Variants in CLN3 observed in about 807,000 individuals in gnomAD.
CLN3 encodes the protein battenin.
A neutral mutation model predicts 60.7 loss-of-function variants in CLN3; 49 were observed. The observed-to-expected ratio is 0.81, with a 90% CI of 0.64 to 1.02. The LOEUF is 1.02. CLN3 is among the 50% of genes least tolerant of loss of function. The probability of loss-of-function intolerance (pLI) is 0.00; values close to 1 mark genes in which losing one functional copy is unlikely to be tolerated. For missense variants in CLN3, 516 were observed against 557.4 expected, an observed-to-expected ratio of 0.93 and a Z score of 0.75; for synonymous variants, 256 against 245.8, an observed-to-expected ratio of 1.04 and a Z score of -0.39.
chr16:28,491,545 G>C lies in CLN3; in HGVS notation c.62C>G (p.Pro21Arg), dbSNP rs562525993. 5 of 1,614,046 alleles carry C rather than the reference G, an allele frequency of 3.1e-6. No homozygotes were observed. The Admixed American group carries it at 8.3e-5, about 27-fold the overall frequency. Residue 21 changes from proline (P) to arginine (R), a missense_variant, in exon 3 of 16, where the codon CCG becomes CGG. By Grantham distance (103) the Pro-to-Arg change is moderately radical. Coordinates refer to ENST00000636147, the MANE Select transcript of CLN3 (RefSeq NM_001042432.2). ...FSDSEGEETVPEPRLPLLDHQ... is the reference protein window; with the variant it reads ...FSDSEGEETVREPRLPLLDHQ... ...GTCCAACAGAGGGAGCCGGGGCTCC[G>C]GGACGGTCTCCTCCCCTGGGAGAGC...
rs147667964 is a variant in CLN3, at chr16:28,486,487, G to A, written c.537C>T (p.Ala179=). 43 of 1,612,290 alleles carry A rather than the reference G, an allele frequency of 2.7e-5. No homozygotes were observed. In the African/African-American group the frequency reaches 4.1e-4, roughly 16 times the overall value. The change falls in exon 9 of 16, where the codon GCC becomes GCT. Residue 179 remains alanine (A), a synonymous_variant. Coordinates refer to ENST00000636147, the MANE Select transcript of CLN3 (RefSeq NM_001042432.2). The part of the protein sequence containing the change: ...FLSLTAFYPR[A]VISWWSSGTG... ...TCCCTGAGGACCACCAGGAGATCAC[G>A]GCCCTGGGAAGGAGAACACAGGAAC... is the stretch of plus-strand genomic sequence containing the variant.
chr16:28,481,155 A>C (rs1332150170), intron 14 of CLN3, among the ~76,000 whole-genome samples: 1 of 151,526 alleles, frequency 6.6e-6, no homozygotes, highest in Non-Finnish European at 1.5e-5. Context: ...TCTATTGCCT[A>C]GGCTGGAGTG....
Position 28,482,480 on chromosome 16 carries a change from TC to T in CLN3, c.902del (p.Gly301AspfsTer13). ...VYFAEYFINQ[G>X]LFELLFFWNT... Reference sequence around the variant, plus strand: ...CCTCCTAGCACCCCTCACTTACAAGTCCCTGGTTAATGAAATACTCGGCAAA... The same window carrying T: ...CCTCCTAGCACCCCTCACTTACAAGTCCTGGTTAATGAAATACTCGGCAAA... On this transcript the variant is annotated frameshift_variant, in exon 12 of 16. Transcript: ENST00000636147. LOFTEE classifies it high-confidence loss of function. The T allele has an allele frequency of 1.9e-6, 3 of 1,613,916 alleles. No homozygotes were observed. The highest frequency in any genetic ancestry group is 1.7e-6 in the Non-Finnish European group (2 of 1,179,992).
At chr16:28,482,814 G>T in intron 10 of CLN3, 142 bp from the exon 11 acceptor site, 1 of 913,356 alleles carries the variant, frequency 1.1e-6, no homozygotes, top group Non-Finnish European at 1.8e-6. Flanking sequence ...CTTAAAAATG[G>T]TTAAAATGGC....
At chr16:28,469,347 C>A, downstream of CLN3, among the ~76,000 whole-genome samples, 1 of 113,590 alleles carries the variant, frequency 8.8e-6, no homozygotes, top group African/African-American at 2.8e-5. Flanking sequence ...GCCTGTAATC[C>A]CAACACTTTG....
rs201329358 is a variant in CLN3 at position 28,488,635 on chromosome 16, G to A, written c.250C>T (p.His84Tyr). ...CAGTCAAATCGTGATGAGCTGTTGT[G>A]GGGGATCGGCGTTGGGCCTGGGTCC... ...HVDPGPTPIP[H>Y]NSSSRFDCNS... is the part of the protein sequence containing the mutation. Residue 84 changes from histidine (H) to tyrosine (Y), a missense_variant, in exon 5 of 16, where the codon CAC becomes TAC. His to Tyr is a moderately conservative substitution (Grantham distance 83). Coordinates refer to ENST00000636147, the MANE Select transcript of CLN3 (RefSeq NM_001042432.2). 1 of 1,614,186 alleles carries A rather than the reference G, an allele frequency of 6.2e-7. No individual in the cohort carries two copies. Among genetic ancestry groups the A allele is most frequent in the Non-Finnish European group, 8.5e-7 (1 of 1,180,020 alleles).
At chr16:28,491,342 C>T (rs2141721453) in intron 3 of CLN3, 140 bp downstream of exon 3, 4 of 1,226,702 alleles carry the variant, frequency 3.3e-6, no homozygotes, top group Non-Finnish European at 3.5e-6. Context: ...TTACATGCTG[C>T]CCCTGGGGCA....
chr16:28,474,979 G>C (rs899382862), downstream of CLN3, among the ~76,000 whole-genome samples: 1 of 152,190 alleles, frequency 6.6e-6, no homozygotes, highest in African/African-American at 2.4e-5. Context: ...GCCAGGTGCA[G>C]TGGCTCACAC....
At chr16:28,489,738 A>G in intron 3 of CLN3, among the ~76,000 whole-genome samples, 1 of 152,004 alleles carries the variant, frequency 6.6e-6, no homozygotes, top group Non-Finnish European at 1.5e-5. Context: ...GTGACAGAGC[A>G]AGACCCTGTC....
chr16:28,472,472 A>T (rs2045957835), downstream of CLN3, among the ~76,000 whole-genome samples: 1 of 152,172 alleles, frequency 6.6e-6, no homozygotes, highest in African/African-American at 2.4e-5. Context: ...GCTGTATCAC[A>T]CCACCTGCAA....
chr16:28,484,837 T>C (rs769811879), intron 9 of CLN3: 2 of 152,182 alleles, frequency 1.3e-5, no homozygotes, highest in Non-Finnish European at 2.9e-5. Context: ...CTCCTGTATA[T>C]ATATATTTTT....
intron 14 of CLN3, chr16:28,479,514 G>A (rs993147781): frequency 6.5e-6 from 1 of 152,722 alleles, no homozygotes; most frequent in African/African-American, 2.4e-5. Flanking sequence ...CTGAACCTGG[G>A]AGGCGGAGGT....
chr16:28,470,893 C>G (rs2045946076), downstream of CLN3, among the ~76,000 whole-genome samples: 2 of 116,088 alleles, frequency 1.7e-5, no homozygotes, highest in Admixed American at 9.0e-5. Context: ...TGCTATCCGC[C>G]AAACCTTCTT....
rs907167234 is a variant in CLN3, at chr16:28,489,515, C to T, written c.126-129G>A. 6.9e-6 allele frequency: 5 copies of T among 720,588 alleles called. No individual in the cohort carries two copies. In the African/African-American group the frequency reaches 8.7e-5, roughly 13 times the overall value. 44.6% of individuals were successfully genotyped at this position (720,588 alleles called of 1,614,324 possible). On this transcript the variant is annotated intron_variant, in intron 3 of 15. Transcript: ENST00000636147. Reference sequence around the variant, plus strand: ...TTTTTTTCCCTCTATCACCAGATCCCATCCTCATTCAATGTTGGGGTCAAA... The same window carrying T: ...TTTTTTTCCCTCTATCACCAGATCCTATCCTCATTCAATGTTGGGGTCAAA...
At chr16:28,472,929 AC>A (rs767475591), downstream of CLN3, among the ~76,000 whole-genome samples, 29 of 147,254 alleles carry the variant, frequency 2.0e-4, no homozygotes, top group Non-Finnish European at 4.0e-4. Flanking sequence ...GAGCCACTGC[AC>A]CCCGCCCCTC....
At chr16:28,491,155 A>G (rs1223182640) in intron 3 of CLN3, 2 of 354,036 alleles carry the variant, frequency 5.6e-6, no homozygotes, top group African/African-American at 4.1e-5. Flanking sequence ...AACGTTCACT[A>G]GGAAAACGCT....
Position 28,477,507 on chromosome 16 carries a change from T to A in CLN3, c.*9A>T, listed in dbSNP as rs1567253455. ...GTGAATGTGACCTGCGTCCTGAGGA[T>A]CCCGAGTATCAGGAGAGCTGGCAGA... On this transcript the variant is annotated 3_prime_UTR_variant, in exon 16 of 16. Coordinates refer to ENST00000636147, the MANE Select transcript of CLN3 (RefSeq NM_001042432.2). The A allele has an allele frequency of 6.2e-7, 1 of 1,612,586 alleles. No individual in the cohort carries two copies. The highest frequency in any genetic ancestry group is 8.5e-7 in the Non-Finnish European group (1 of 1,180,010).
At chr16:28,478,808 C>G (rs2046040727) in intron 14 of CLN3, among the ~76,000 whole-genome samples, 1 of 152,104 alleles carries the variant, frequency 6.6e-6, no homozygotes. Flanking sequence ...CCCATAGCAT[C>G]CCTCAGTTGT....
At position 28,477,345 on chromosome 16, in the gene CLN3, C is replaced by G. The variant is rs2046008870; in HGVS notation, c.*171G>C. On this transcript the variant is annotated 3_prime_UTR_variant, in exon 16 of 16. Coordinates refer to ENST00000636147, the MANE Select transcript of CLN3 (RefSeq NM_001042432.2). ...AGGAAGAAACTCCCCAAGTGGGAGA[C>G]AATGGCTGGCCCCCCTGCAAGGGAA... The G allele has an allele frequency of 2.5e-6, 2 of 811,982 alleles. No homozygotes were observed. Among genetic ancestry groups the G allele is most frequent in the Non-Finnish European group, 4.0e-6 (2 of 498,608 alleles). The allele number at this position is 811,982 out of a possible 1,614,324, so 50.3% of individuals were successfully genotyped here. A position where few individuals can be genotyped will look rare whatever the true frequency, so the allele number is the denominator to read the frequency against.
Sources: gnomAD v4.1 joint callset for allele counts (sites outside exome capture counted in the v4.1 genomes callset) on GRCh38, gnomAD v4.1.1 for gene constraint, MANE v1.5 for transcripts, NCBI Gene and HGNC (gene_info 2026-07-23, HGNC 2026-07-21) for gene names.